Variants in LRRFIP2 observed in about 807,000 individuals in gnomAD.
LRRFIP2 encodes leucine-rich repeat flightless-interacting protein 2.
LRRFIP2 carries 109 observed loss-of-function variants against 125.9 expected under a neutral mutation model. The ratio of observed to expected loss-of-function variants is 0.87; its 90% CI spans 0.74 to 1.01. LRRFIP2 has a LOEUF of 1.01. Ranked by LOEUF, LRRFIP2 falls within the 50% of genes least tolerant of loss-of-function variation. The pLI, the probability that LRRFIP2 is intolerant of heterozygous loss-of-function variation, is 0.00. For missense variants in LRRFIP2, 850 were observed against 862.3 expected, an observed-to-expected ratio of 0.99 and a Z score of 0.18; for synonymous variants, 291 against 293.1, an observed-to-expected ratio of 0.99 and a Z score of 0.07.
chr3:37,085,312 C>G (rs533355322), intron 18 of LRRFIP2, among the ~76,000 whole-genome samples: 1 of 151,968 alleles, frequency 6.6e-6, no homozygotes, highest in Non-Finnish European at 1.5e-5. Context: ...GAGTTCAAGA[C>G]CAGCTTGACC....
chr3:37,115,324 T>C (rs1323157508), intron 6 of LRRFIP2, among the ~76,000 whole-genome samples: 1 of 152,242 alleles, frequency 6.6e-6, no homozygotes, highest in Non-Finnish European at 1.5e-5. Flanking sequence ...TGTTTATTTT[T>C]CTTTTAAACA....
At chr3:37,107,936 G>T in intron 13 of LRRFIP2, 137 bp downstream of exon 13, 1 of 583,112 alleles carries the variant, frequency 1.7e-6, no homozygotes, top group Non-Finnish European at 2.9e-6. Context: ...TAGTGCTTGA[G>T]TTTATGTACT....
chr3:37,135,318 G>A (rs1332925879), intron 2 of LRRFIP2, among the ~76,000 whole-genome samples: 2 of 152,062 alleles, frequency 1.3e-5, no homozygotes, highest in Non-Finnish European at 2.9e-5. Context: ...AATTAGCTGG[G>A]CATGGTGGCG....
rs11283300 is a variant in LRRFIP2, at chr3:37,068,656, A to AAAGTACAC, written c.1465-2339_1465-2332dup. The AAAGTACAC allele has an allele frequency of 6.2e-3, 945 of 152,182 alleles. 6 individuals are homozygous for AAAGTACAC. The highest frequency in any genetic ancestry group is 0.021 in the African/African-American group (868 of 41,506). The allele number at this position is 152,182 out of a possible 1,614,324, so 9.4% of individuals were successfully genotyped here. A position where few individuals can be genotyped will look rare whatever the true frequency, so the allele number is the denominator to read the frequency against. On this transcript the variant is annotated intron_variant, in intron 21 of 27. Transcript: ENST00000336686. Reference sequence around the variant, plus strand: ...CTACAGTAGATTTTTTTTAGGGTAAAAAGTACACGCTTGTAGAGTTCAAAA... The same window carrying AAAGTACAC: ...CTACAGTAGATTTTTTTTAGGGTAAAAAGTACACAAGTACACGCTTGTAGAGTTCAAAA...
chr3:37,147,401 G>A (rs1036781995), intron 2 of LRRFIP2, among the ~76,000 whole-genome samples: 6 of 152,136 alleles, frequency 3.9e-5, no homozygotes, highest in African/African-American at 9.7e-5. Flanking sequence ...GCACATGTAC[G>A]TTCACTGGAG....
intron 1 of LRRFIP2, among the ~76,000 whole-genome samples, chr3:37,154,385 T>G (rs1345354127): frequency 6.6e-6 from 1 of 152,204 alleles, no homozygotes; most frequent in Non-Finnish European, 1.5e-5. Context: ...TTTCTGATCC[T>G]AAAGGACTTG....
intron 4 of LRRFIP2, 134 bp from the exon 5 acceptor site, chr3:37,121,825 T>G: frequency 1.4e-6 from 1 of 725,568 alleles, no homozygotes; most frequent in Non-Finnish European, 2.4e-6. Flanking sequence ...TAACTTATCT[T>G]AGGGGCAGCC....
At chr3:37,056,175 T>C (rs1023358535) in intron 25 of LRRFIP2, among the ~76,000 whole-genome samples, 5 of 152,206 alleles carry the variant, frequency 3.3e-5, no homozygotes, top group Admixed American at 3.3e-4. Context: ...TAATGTGTTA[T>C]GGGTAGAGCT....
chr3:37,165,360 C>T (rs1401221549), intron 1 of LRRFIP2, among the ~76,000 whole-genome samples: 6 of 106,874 alleles, frequency 5.6e-5, no homozygotes, highest in Non-Finnish European at 1.1e-4. Context: ...CCGAAACCAA[C>T]CCCCCCACCC....
intron 15 of LRRFIP2, among the ~76,000 whole-genome samples, chr3:37,099,232 G>A (rs2093893311): frequency 6.6e-6 from 1 of 152,034 alleles, no homozygotes; most frequent in African/African-American, 2.4e-5. Context: ...ACTATCTTGT[G>A]TGCTATCTTC....
rs114617676 is a variant in LRRFIP2, at chr3:37,100,463, C to T, written c.873+2461G>A. ...ATGTGTGTGTCTGTGTGTGTATACACAAATACATATAAATAAACCAGTAGC... is the reference window on the plus strand; with the variant it reads ...ATGTGTGTGTCTGTGTGTGTATACATAAATACATATAAATAAACCAGTAGC... On this transcript the variant is annotated intron_variant, in intron 15 of 27. Coordinates refer to ENST00000336686, the MANE Select transcript of LRRFIP2 (RefSeq NM_006309.4). 4.9e-3 allele frequency among the ~76,000 whole-genome samples: 721 copies of T among 147,070 alleles called. 5 individuals carry two copies. The highest frequency in any genetic ancestry group is 8.3e-3 in the Non-Finnish European group (559 of 67,302).
intron 4 of LRRFIP2, among the ~76,000 whole-genome samples, chr3:37,123,912 A>G (rs2095171390): frequency 6.6e-6 from 1 of 152,224 alleles, no homozygotes; most frequent in Non-Finnish European, 1.5e-5. Flanking sequence ...ATAAATTAAA[A>G]TACCTTATTA....
At chr3:37,131,334 TA>T (rs766834082) in intron 2 of LRRFIP2, among the ~76,000 whole-genome samples, 2 of 152,214 alleles carry the variant, frequency 1.3e-5, no homozygotes, top group Non-Finnish European at 1.5e-5. Flanking sequence ...CCCTCTTTCA[TA>T]AAGTAAGGCT....
rs548058348 is a variant in LRRFIP2 at position 37,119,804 on chromosome 3, C to T, written c.330+1688G>A. On this transcript the variant is annotated intron_variant, in intron 6 of 27. Coordinates refer to ENST00000336686, the MANE Select transcript of LRRFIP2 (RefSeq NM_006309.4). ...CCTCCCAAGTAGCTGGGATTACAGG[C>T]GTGAGCCACTACACCTGGCTAATTT... Among the ~76,000 whole-genome samples the T allele has an allele frequency of 1.1e-4, 17 of 152,120 alleles. 1 individual carries two copies. The South Asian group carries it at 3.5e-3, about 32-fold the overall frequency.
chr3:37,102,959 C>A lies in LRRFIP2; in HGVS notation c.838G>T (p.Glu280Ter). 1.3e-6 allele frequency: 2 copies of A among 1,565,782 alleles called. No individual in the cohort carries two copies. Among genetic ancestry groups the A allele is most frequent in the Non-Finnish European group, 1.7e-6 (2 of 1,153,362 alleles). The change falls in exon 15 of 28, where the codon GAG (glutamate) becomes TAG (stop). Residue 280 changes from glutamate (E) to a stop codon, truncating the protein, a stop_gained. Coordinates refer to ENST00000336686, the MANE Select transcript of LRRFIP2 (RefSeq NM_006309.4). LOFTEE classifies it high-confidence loss of function. ...TCTGGGATACTGATATCATCCACCTCAGAGACAACACTTCCCCTACGATTG... is the reference window on the plus strand; with the variant it reads ...TCTGGGATACTGATATCATCCACCTAAGAGACAACACTTCCCCTACGATTG... ...RSNRRGSVVS[E>*]VDDISIPDLS...
rs1018900339 is a variant in LRRFIP2, at chr3:37,090,260, G to T, written c.1107+1207C>A. On this transcript the variant is annotated intron_variant, in intron 18 of 27. Transcript: ENST00000336686. ...TTTGTTTGTTTTGAGACAGAGTCTC[G>T]CTCCGTCACCCAGGCTGGAGTGAAA... Among the ~76,000 whole-genome samples, 9 of 149,752 alleles carry T rather than the reference G, an allele frequency of 6.0e-5. No individual in the cohort carries two copies. The South Asian group carries it at 1.3e-3, about 21-fold the overall frequency.
At chr3:37,162,485 T>C (rs1422179853) in intron 1 of LRRFIP2, among the ~76,000 whole-genome samples, 1 of 152,168 alleles carries the variant, frequency 6.6e-6, no homozygotes, top group Non-Finnish European at 1.5e-5. Context: ...ATAGACAATC[T>C]ATAAGTAGCC....
At chr3:37,100,787 C>T (rs2093996073) in intron 15 of LRRFIP2, among the ~76,000 whole-genome samples, 1 of 152,012 alleles carries the variant, frequency 6.6e-6, no homozygotes, top group South Asian at 2.1e-4. Context: ...ACGGGGATTG[C>T]TAGGCAATTT....
chr3:37,129,661 A>G (rs1190482717), intron 2 of LRRFIP2, among the ~76,000 whole-genome samples: 1 of 152,188 alleles, frequency 6.6e-6, no homozygotes, highest in Non-Finnish European at 1.5e-5. Flanking sequence ...TTTAAAATTG[A>G]GACAGAATTC....
Sources: gnomAD v4.1 joint callset for allele counts (sites outside exome capture counted in the v4.1 genomes callset) on GRCh38, gnomAD v4.1.1 for gene constraint, MANE v1.5 for transcripts, NCBI Gene and HGNC (gene_info 2026-07-23, HGNC 2026-07-21) for gene names.